CNIH3: variants seen among roughly 807,000 people sequenced by gnomAD.
CNIH3 encodes cornichon family AMPA receptor auxiliary protein 3.
A neutral mutation model predicts 24.1 loss-of-function variants in CNIH3; 14 were observed. The observed-to-expected ratio is 0.58, with a 90% CI of 0.38 to 0.91. The LOEUF (loss-of-function observed/expected upper bound fraction) is 0.91, where lower values mean the gene tolerates loss of function less well. Ranked by LOEUF, CNIH3 falls within the 40% of genes least tolerant of loss-of-function variation. CNIH3 has a pLI of 0.00. For synonymous variants in CNIH3, 68 were observed against 73.8 expected (o/e 0.92, Z 0.40); for missense variants, 178 against 196.8 (o/e 0.90, Z 0.57).
intron 3 of CNIH3, among the ~76,000 whole-genome samples, chr1:224,709,236 G>A (rs1033848145): frequency 6.6e-6 from 1 of 152,020 alleles, no homozygotes; most frequent in Admixed American, 6.5e-5. Flanking sequence ...ATCTTCTAGC[G>A]GCTCCAAATC....
At chr1:224,484,596 A>G (rs1170288921) in intron 1 of CNIH3, among the ~76,000 whole-genome samples, 3 of 152,072 alleles carry the variant, frequency 2.0e-5, no homozygotes, top group Non-Finnish European at 4.4e-5. Context: ...AATTTTAGCC[A>G]TTACTTCTTC....
chr1:224,690,713 G>A (rs1336708789), intron 3 of CNIH3, among the ~76,000 whole-genome samples: 7 of 152,208 alleles, frequency 4.6e-5, no homozygotes, highest in African/African-American at 1.7e-4. Context: ...AGCTGTAGTG[G>A]GTGGATTATT....
intron 1 of CNIH3, among the ~76,000 whole-genome samples, chr1:224,447,862 G>A (rs573603111): frequency 1.3e-5 from 2 of 152,270 alleles, no homozygotes; most frequent in African/African-American, 4.8e-5. Flanking sequence ...CACAAGGTAG[G>A]CTAGAGGTTA....
intron 1 of CNIH3, among the ~76,000 whole-genome samples, chr1:224,627,463 A>G (rs1683594743): frequency 1.3e-5 from 2 of 152,048 alleles, no homozygotes; most frequent in Non-Finnish European, 2.9e-5. Flanking sequence ...TGACCTTGTG[A>G]TCCTCCCGCC....
intron 3 of CNIH3, among the ~76,000 whole-genome samples, chr1:224,548,019 T>G (rs1197130657): frequency 2.0e-5 from 3 of 151,920 alleles, no homozygotes; most frequent in Non-Finnish European, 4.4e-5. Context: ...TCACAGTAAG[T>G]GTACACCACA....
At chr1:224,630,780 T>G (rs1683779260) in intron 1 of CNIH3, among the ~76,000 whole-genome samples, 1 of 152,154 alleles carries the variant, frequency 6.6e-6, no homozygotes, top group African/African-American at 2.4e-5. Flanking sequence ...TGGGTGCTTG[T>G]GAGTGTAATT....
chr1:224,568,925 T>C (rs907903558), intron 4 of CNIH3, among the ~76,000 whole-genome samples: 1 of 152,160 alleles, frequency 6.6e-6, no homozygotes, highest in African/African-American at 2.4e-5. Flanking sequence ...CAGGCTGAAG[T>C]ACAATGGAGC....
chr1:224,583,012 G>T (rs930207848), intron 4 of CNIH3, among the ~76,000 whole-genome samples: 1 of 152,158 alleles, frequency 6.6e-6, no homozygotes, highest in Non-Finnish European at 1.5e-5. Flanking sequence ...TCTTCCTGGG[G>T]CATTAGTGGA....
At chr1:224,493,212 T>C (rs1677301696) in intron 1 of CNIH3, among the ~76,000 whole-genome samples, 2 of 152,354 alleles carry the variant, frequency 1.3e-5, no homozygotes, top group Middle Eastern at 3.4e-3. Flanking sequence ...TCTTTGTATA[T>C]AAACTTGATA....
At chr1:224,547,459 T>C (rs1429538118) in intron 3 of CNIH3, among the ~76,000 whole-genome samples, 1 of 151,976 alleles carries the variant, frequency 6.6e-6, no homozygotes, top group East Asian at 1.9e-4. Flanking sequence ...ATCGTATTCA[T>C]AATATCTAAG....
At chr1:224,464,896 A>C (rs1676090155) in intron 1 of CNIH3, among the ~76,000 whole-genome samples, 1 of 152,062 alleles carries the variant, frequency 6.6e-6, no homozygotes, top group African/African-American at 2.4e-5. Context: ...CTTGGGCTCA[A>C]GTGATATTCT....
intron 1 of CNIH3, among the ~76,000 whole-genome samples, chr1:224,504,533 C>G (rs1677814143): frequency 6.6e-6 from 1 of 151,870 alleles, no homozygotes. Context: ...CCCATGACCC[C>G]CTCCCCTCCC....
chr1:224,730,782 A>T, intron 4 of CNIH3: 1 of 520,276 alleles, frequency 1.9e-6, no homozygotes, highest in Non-Finnish European at 3.4e-6. Flanking sequence ...CATTAACCAC[A>T]ACCCCATCCC....
intron 1 of CNIH3, among the ~76,000 whole-genome samples, chr1:224,498,767 C>A (rs1033644619): frequency 1.3e-5 from 2 of 152,156 alleles, no homozygotes; most frequent in Non-Finnish European, 2.9e-5. Context: ...GGGGAAGATG[C>A]GGGGGGCAAG....
intron 3 of CNIH3, among the ~76,000 whole-genome samples, chr1:224,702,883 T>C (rs1162667652): frequency 6.6e-6 from 1 of 152,184 alleles, no homozygotes; most frequent in Admixed American, 6.5e-5. Flanking sequence ...GGCCCTGTCC[T>C]TGCTGGTCGG....
chr1:224,463,787 T>A (rs1676039126), intron 1 of CNIH3, among the ~76,000 whole-genome samples: 2 of 118,702 alleles, frequency 1.7e-5, no homozygotes, highest in African/African-American at 7.0e-5. Flanking sequence ...TTTTTTTTTT[T>A]TTTTTTTTTT....
intron 1 of CNIH3, among the ~76,000 whole-genome samples, chr1:224,436,230 T>C (rs1360485722): frequency 1.3e-5 from 2 of 152,236 alleles, no homozygotes; most frequent in Admixed American, 6.5e-5. Flanking sequence ...ACCTGAGTTC[T>C]AGTTGAGGTT....
downstream of CNIH3, among the ~76,000 whole-genome samples, chr1:224,537,785 A>T (rs1012044727): frequency 1.3e-5 from 2 of 152,218 alleles, no homozygotes; most frequent in African/African-American, 4.8e-5. Context: ...ACAGCCATTT[A>T]GTTTGGGATA....
chr1:224,528,270 A>C (rs958833151), intron 2 of CNIH3, among the ~76,000 whole-genome samples: 1 of 152,164 alleles, frequency 6.6e-6, no homozygotes, highest in African/African-American at 2.4e-5. Context: ...TCTCTAAAAC[A>C]ATAAAATAAA....
Sources: gnomAD v4.1 joint callset for allele counts (sites outside exome capture counted in the v4.1 genomes callset) on GRCh38, gnomAD v4.1.1 for gene constraint, MANE v1.5 for transcripts, NCBI Gene and HGNC (gene_info 2026-07-23, HGNC 2026-07-21) for gene names.